Variants in GRHL2 observed in about 807,000 individuals in gnomAD.
The protein encoded by GRHL2 is grainyhead like transcription factor 2, also known as grainyhead-like protein 2 homolog.
Under a neutral mutation model 83.8 loss-of-function variants are expected in GRHL2, and 21 were observed. That is an observed-to-expected ratio of 0.25 (90% CI 0.18 to 0.36). GRHL2 has a LOEUF of 0.36. Ranked by LOEUF, GRHL2 falls within the 10% of genes least tolerant of loss-of-function variation. The pLI is 1.00. For missense variants in GRHL2, 623 were observed against 781.8 expected (o/e 0.80, Z 2.42); for synonymous variants, 280 against 278.9 (o/e 1.00, Z -0.04).
At chr8:101,611,018 T>C (rs1281976381) in intron 8 of GRHL2, among the ~76,000 whole-genome samples, 1 of 150,978 alleles carries the variant, frequency 6.6e-6, no homozygotes, top group Non-Finnish European at 1.5e-5. Context: ...ACTGCAGACA[T>C]CTGGACAGCA....
rs1814113242 is a variant in GRHL2, at chr8:101,668,014, T to C, written c.*1311T>C. 6.6e-6 allele frequency: 1 copy of C among 152,476 alleles called. No homozygotes were observed. The allele number at this position is 152,476 out of a possible 1,614,324, so 9.4% of individuals were successfully genotyped here. The stretch of plus-strand genomic sequence containing the variant: ...TTTGCCTCACTCCTGGATGCTGCGT[T>C]TTAAGGAAGTGAGTGAGAAAGAATG... On this transcript the variant is annotated 3_prime_UTR_variant, in exon 16 of 16. Coordinates refer to ENST00000646743, the MANE Select transcript of GRHL2 (RefSeq NM_024915.4).
At chr8:101,559,805 C>G (rs577583795) in intron 4 of GRHL2, among the ~76,000 whole-genome samples, 2 of 152,204 alleles carry the variant, frequency 1.3e-5, no homozygotes, top group Admixed American at 6.5e-5. Flanking sequence ...GTTCCCTTGC[C>G]CTGAAAATTT....
intron 3 of GRHL2, 101 bp from the exon 4 acceptor site, chr8:101,558,318 T>C (rs751016968): frequency 1.3e-4 from 179 of 1,381,486 alleles, no homozygotes; most frequent in Non-Finnish European, 1.8e-4. Context: ...CTTAATGGCA[T>C]TAACATCCAA....
intron 14 of GRHL2, among the ~76,000 whole-genome samples, chr8:101,652,550 GTGTA>G: frequency 9.8e-6 from 1 of 101,926 alleles, no homozygotes; most frequent in African/African-American, 4.5e-5. Flanking sequence ...TGTGTGTGGT[GTGTA>G]TGTGTGGTGG....
downstream of GRHL2, among the ~76,000 whole-genome samples, chr8:101,671,516 G>A (rs1814209473): frequency 6.6e-6 from 1 of 152,188 alleles, no homozygotes; most frequent in South Asian, 2.1e-4. Context: ...GGCTTGATTA[G>A]GCAAACAAAG....
At position 101,630,104 on chromosome 8, in the gene GRHL2, T is replaced by C. The variant is rs1441876768; in HGVS notation, c.1258-1533T>C. Among the ~76,000 whole-genome samples, 5 of 152,226 alleles carry C rather than the reference T, an allele frequency of 3.3e-5. No individual in the cohort carries two copies. In the East Asian group the frequency reaches 7.7e-4, roughly 23 times the overall value. On this transcript the variant is annotated intron_variant, in intron 9 of 15. Coordinates refer to ENST00000646743, the MANE Select transcript of GRHL2 (RefSeq NM_024915.4). Reference sequence around the variant, plus strand: ...ATATTCAGCTATTTCAATTCTATTATGTAAAGCTCTTAGAAATTCCCTGGC... The same window carrying C: ...ATATTCAGCTATTTCAATTCTATTACGTAAAGCTCTTAGAAATTCCCTGGC...
intron 6 of GRHL2, among the ~76,000 whole-genome samples, 175 bp downstream of exon 6, chr8:101,573,999 A>C (rs910408138): frequency 1.3e-5 from 2 of 152,246 alleles, no homozygotes; most frequent in South Asian, 4.1e-4. Flanking sequence ...GATCATTGTA[A>C]TCAGTAACCA....
chr8:101,562,071 G>A, intron 4 of GRHL2: 2 of 703,810 alleles, frequency 2.8e-6, no homozygotes, highest in Non-Finnish European at 2.6e-6. Flanking sequence ...ACTTCCCTTT[G>A]CCTGCAAGGG....
intron 12 of GRHL2, among the ~76,000 whole-genome samples, chr8:101,639,814 A>G (rs1369733780): frequency 6.6e-6 from 1 of 152,250 alleles, no homozygotes; most frequent in Non-Finnish European, 1.5e-5. Flanking sequence ...GTATTTGTAC[A>G]GCTTCCATCA....
chr8:101,517,118 C>T (rs534803527), intron 1 of GRHL2, among the ~76,000 whole-genome samples: 24 of 152,204 alleles, frequency 1.6e-4, no homozygotes, highest in African/African-American at 5.5e-4. Flanking sequence ...TCACATCTCC[C>T]CTTTCCACCT....
chr8:101,654,954 G>A (rs752954925), intron 14 of GRHL2, among the ~76,000 whole-genome samples: 7 of 152,206 alleles, frequency 4.6e-5, no homozygotes, highest in South Asian at 2.1e-4. Flanking sequence ...AGGTTGAGGC[G>A]GGCAGATCAC....
chr8:101,559,351 T>TGCAAAAAAAAAAAAAAAAAAAAAA (rs1285229771), intron 4 of GRHL2, among the ~76,000 whole-genome samples: 1 of 19,230 alleles, frequency 5.2e-5, no homozygotes, highest in Admixed American at 7.9e-4. Context: ...CTACTAAAAA[T>TGCAAAAAAAAAAAAAAAAAAAAAA]ACAAAAAAAA....
At chr8:101,675,094 C>G in the GRHL2 span, among the ~76,000 whole-genome samples, 1 of 152,078 alleles carries the variant, frequency 6.6e-6, no homozygotes, top group African/African-American at 2.4e-5. Flanking sequence ...AAACCCACAG[C>G]CAATATCATA....
chr8:101,556,557 G>A (rs1811492027), intron 3 of GRHL2, among the ~76,000 whole-genome samples: 1 of 152,144 alleles, frequency 6.6e-6, no homozygotes, highest in African/African-American at 2.4e-5. Flanking sequence ...ATAGATGAAA[G>A]TATTTTATTC....
At chr8:101,561,290 C>T (rs1396718785) in intron 4 of GRHL2, among the ~76,000 whole-genome samples, 1 of 152,188 alleles carries the variant, frequency 6.6e-6, no homozygotes, top group East Asian at 1.9e-4. Flanking sequence ...CACTGGGATT[C>T]CTCTGCTTCT....
intron 14 of GRHL2, among the ~76,000 whole-genome samples, chr8:101,656,842 GTGTC>G (rs1265115915): frequency 1.4e-5 from 2 of 145,892 alleles, no homozygotes; most frequent in Non-Finnish European, 3.0e-5. Flanking sequence ...GTCTGTCTGT[GTGTC>G]TGTTAGTGTA....
At chr8:101,537,806 A>G (rs1238018004) in intron 1 of GRHL2, among the ~76,000 whole-genome samples, 3 of 152,198 alleles carry the variant, frequency 2.0e-5, no homozygotes, top group African/African-American at 7.2e-5. Flanking sequence ...TCCATAAAAC[A>G]CAAACAAACC....
At chr8:101,633,284 T>C (rs925939705) in intron 11 of GRHL2, among the ~76,000 whole-genome samples, 1 of 152,314 alleles carries the variant, frequency 6.6e-6, no homozygotes, top group African/African-American at 2.4e-5. Flanking sequence ...ACCAAATCAA[T>C]TGGGTTTTAA....
chr8:101,492,594 CGCGAGCGG>C lies in GRHL2; in HGVS notation c.-168_-161del. On this transcript the variant is annotated 5_prime_UTR_variant, in exon 1 of 16. Coordinates refer to ENST00000646743, the MANE Select transcript of GRHL2 (RefSeq NM_024915.4). ...TCCCACCTTTCCGGCTAGGTGAGGG[CGCGAGCGG>C]GCGAGCGAGCGAGAGTGGTGAGGGG... 1 of 710,154 alleles carries C rather than the reference CGCGAGCGG, an allele frequency of 1.4e-6. No individual in the cohort carries two copies. The highest frequency in any genetic ancestry group is 1.5e-5 in the South Asian group (1 of 64,790). The allele number at this position is 710,154 out of a possible 1,614,324, so 44.0% of individuals were successfully genotyped here.
Sources: allele counts gnomAD v4.1 joint callset (sites outside exome capture counted in the v4.1 genomes callset), GRCh38; gene constraint gnomAD v4.1.1; transcripts MANE v1.5; gene names NCBI Gene and HGNC (gene_info 2026-07-23, HGNC 2026-07-21).